RTF1: variants seen among roughly 807,000 people sequenced by gnomAD.
RTF1 encodes RNA polymerase-associated protein RTF1 homolog.
In RTF1, 10 loss-of-function variants were observed where a neutral mutation model predicts 95.7. The observed-to-expected ratio is 0.10, with a 90% CI of 0.06 to 0.18. RTF1 has a LOEUF of 0.18. Among genes scored for constraint, RTF1 ranks in the 10% least tolerant of loss-of-function variants. RTF1 has a pLI of 1.00. For synonymous variants in RTF1, 305 were observed against 311.8 expected, an observed-to-expected ratio of 0.98 and a Z score of 0.23; for missense variants, 458 against 875.6, an observed-to-expected ratio of 0.52 and a Z score of 6.02.
intron 1 of RTF1, among the ~76,000 whole-genome samples, chr15:41,427,105 G>T (rs1390983483): frequency 6.8e-6 from 1 of 147,514 alleles, no homozygotes; most frequent in Non-Finnish European, 1.5e-5. Context: ...CTCCCAAAGT[G>T]CTGGGACTAC....
At chr15:41,473,222 C>T (rs905456657) in intron 8 of RTF1, among the ~76,000 whole-genome samples, 5 of 152,076 alleles carry the variant, frequency 3.3e-5, no homozygotes, top group African/African-American at 1.2e-4. Flanking sequence ...CAAGCTCCCA[C>T]TCCTGGGTTC....
intron 6 of RTF1, among the ~76,000 whole-genome samples, chr15:41,467,829 G>A (rs187289916): frequency 3.8e-4 from 57 of 151,696 alleles, no homozygotes; most frequent in African/African-American, 1.3e-3. Context: ...GTTCAAGACC[G>A]GCCTGGCCAA....
chr15:41,440,769 G>A (rs1008246589), intron 2 of RTF1, among the ~76,000 whole-genome samples: 7 of 152,012 alleles, frequency 4.6e-5, no homozygotes, highest in African/African-American at 1.7e-4. Flanking sequence ...GATTAGAGGC[G>A]TGAGCCCTGT....
chr15:41,433,109 G>A (rs55936508), intron 1 of RTF1, among the ~76,000 whole-genome samples: 1 of 151,830 alleles, frequency 6.6e-6, no homozygotes, highest in African/African-American at 2.4e-5. Flanking sequence ...TTAGCTGGGT[G>A]TGGTGGCGTG....
chr15:41,425,396 G>A (rs1024625718), intron 1 of RTF1, among the ~76,000 whole-genome samples: 6 of 151,992 alleles, frequency 3.9e-5, no homozygotes, highest in African/African-American at 1.2e-4. Flanking sequence ...GTGAGCCACC[G>A]CGCCTGGCCA....
Position 41,482,240 on chromosome 15 carries a change from ATCAC to A in RTF1, c.*1556_*1559del, listed in dbSNP as rs1714846528. On this transcript the variant is annotated 3_prime_UTR_variant, in exon 18 of 18. Coordinates refer to ENST00000389629, the MANE Select transcript of RTF1 (RefSeq NM_015138.5). ...AAAGAGATAAACTGACTGCTTGATA[ATCAC>A]TCTCAGGTGTAAAGCTCCAAGTGTA... 1.3e-5 allele frequency: 2 copies of A among 152,650 alleles called. No individual in the cohort carries two copies. The highest frequency in any genetic ancestry group is 6.5e-5 in the Admixed American group (1 of 15,288). 9.5% of individuals were successfully genotyped at this position (152,650 alleles called of 1,614,324 possible).
chr15:41,432,518 G>A (rs537302143), intron 1 of RTF1, among the ~76,000 whole-genome samples: 5 of 152,032 alleles, frequency 3.3e-5, no homozygotes, highest in Non-Finnish European at 7.4e-5. Context: ...TATGTAGAGC[G>A]GAACCTCCTT....
At chr15:41,475,867 G>T (rs2050939513) in intron 11 of RTF1, 48 bp downstream of exon 11, 2 of 921,962 alleles carry the variant, frequency 2.2e-6, no homozygotes, top group East Asian at 2.4e-5. Flanking sequence ...AAGAACCAGT[G>T]TTGAGAGAAC....
At chr15:41,468,371 G>A (rs1414621974) in intron 6 of RTF1, among the ~76,000 whole-genome samples, 1 of 151,844 alleles carries the variant, frequency 6.6e-6, no homozygotes, top group East Asian at 1.9e-4. Flanking sequence ...AGGTTGGAGT[G>A]CAGTGGCGCG....
chr15:41,457,535 G>A (rs540668225), intron 3 of RTF1, 137 bp from the exon 4 acceptor site: 180 of 839,030 alleles, frequency 2.1e-4, no homozygotes, highest in Non-Finnish European at 3.2e-4. Context: ...CAAAAAAAAA[G>A]TAAAAACAAA....
At position 41,482,946 on chromosome 15, in the gene RTF1, T is replaced by A. The variant is rs1309505192; in HGVS notation, c.*2259T>A. ...TGGATTTGGAGAAGTGTTGATTACA[T>A]TATGGCTGTGTAATAAAATTTTTAT... On this transcript the variant is annotated 3_prime_UTR_variant, in exon 18 of 18. Transcript: ENST00000389629. 1 of 152,634 alleles carries A rather than the reference T, an allele frequency of 6.6e-6. No individual in the cohort carries two copies. Among genetic ancestry groups the A allele is most frequent in the Non-Finnish European group, 1.5e-5 (1 of 68,048 alleles). 9.5% of individuals were successfully genotyped at this position (152,634 alleles called of 1,614,324 possible). A position where few individuals can be genotyped will look rare whatever the true frequency, so the allele number is the denominator to read the frequency against.
chr15:41,477,402 G>A, intron 13 of RTF1, 56 bp from the exon 14 acceptor site: 1 of 1,612,710 alleles, frequency 6.2e-7, no homozygotes, highest in African/African-American at 1.3e-5. Flanking sequence ...TCAGGGCTCA[G>A]TGGTTCCCTC....
At chr15:41,442,643 T>C (rs2050741565) in intron 2 of RTF1, among the ~76,000 whole-genome samples, 2 of 151,966 alleles carry the variant, frequency 1.3e-5, no homozygotes, top group Non-Finnish European at 2.9e-5. Flanking sequence ...CCCAGCACTT[T>C]GGGAGGCCAA....
chr15:41,458,341 G>C (rs1453834452), intron 4 of RTF1, among the ~76,000 whole-genome samples: 2 of 152,144 alleles, frequency 1.3e-5, no homozygotes, highest in African/African-American at 2.4e-5. Flanking sequence ...ACTTGCCCAA[G>C]GTGATTTAGC....
intron 2 of RTF1, among the ~76,000 whole-genome samples, chr15:41,444,179 G>A (rs970149902): frequency 2.6e-5 from 4 of 152,048 alleles, no homozygotes; most frequent in Admixed American, 6.6e-5. Flanking sequence ...GCTGAGGTGG[G>A]AGGATCACCT....
chr15:41,468,508 G>A (rs537473234), intron 6 of RTF1, among the ~76,000 whole-genome samples: 7,645 of 152,056 alleles, frequency 0.05, 229 homozygotes, highest in East Asian at 0.16. Flanking sequence ...TAGTAGAGAA[G>A]GGGTTTCACC....
chr15:41,422,490 A>G (rs2050607436), intron 1 of RTF1, among the ~76,000 whole-genome samples: 1 of 152,140 alleles, frequency 6.6e-6, no homozygotes. Flanking sequence ...ATCTCCCTTT[A>G]TGGAATAATA....
intron 5 of RTF1, among the ~76,000 whole-genome samples, chr15:41,465,533 C>T (rs969957689): frequency 2.6e-5 from 4 of 151,948 alleles, no homozygotes; most frequent in Non-Finnish European, 4.4e-5. Flanking sequence ...CCCAGCTACT[C>T]GGGGGGCTGA....
At chr15:41,477,546 A>G in intron 14 of RTF1, 31 bp downstream of exon 14, 1 of 1,578,810 alleles carries the variant, frequency 6.3e-7, no homozygotes, top group Non-Finnish European at 8.7e-7. Flanking sequence ...TCACTAAAAC[A>G]AAGTTAATTA....
Sources: gnomAD v4.1 joint callset for allele counts (sites outside exome capture counted in the v4.1 genomes callset) on GRCh38, gnomAD v4.1.1 for gene constraint, MANE v1.5 for transcripts, NCBI Gene and HGNC (gene_info 2026-07-23, HGNC 2026-07-21) for gene names.